Variants in DCC observed in about 807,000 individuals in gnomAD.
DCC encodes netrin receptor DCC.
DCC carries 58 observed loss-of-function variants against 172.5 expected under a neutral mutation model. The ratio of observed to expected loss-of-function variants is 0.34; its 90% confidence interval spans 0.27 to 0.42. The LOEUF is 0.42. Ranked by LOEUF, DCC falls within the 10% of genes least tolerant of loss-of-function variation. The pLI is 1.00. For synonymous variants in DCC, 709 were observed against 644.5 expected, an observed-to-expected ratio of 1.10 and a Z score of -1.52; for missense variants, 1,740 against 1,791.0, an observed-to-expected ratio of 0.97 and a Z score of 0.51.
intron 1 of DCC, among the ~76,000 whole-genome samples, chr18:52,387,876 T>C (rs1985875968): frequency 6.6e-6 from 1 of 152,006 alleles, no homozygotes; most frequent in South Asian, 2.1e-4. Flanking sequence ...TTTATAAAAG[T>C]TTAACCAATA....
chr18:53,486,893 C>T lies in DCC; in HGVS notation c.3833C>T (p.Thr1278Ile), dbSNP rs1196250710. The T allele has an allele frequency of 6.2e-7, 1 of 1,614,082 alleles. No individual in the cohort carries two copies. The highest frequency in any genetic ancestry group is 2.2e-5 in the East Asian group (1 of 44,878). ...PTCGYPHPQF[T>I]LRPVPFPTLS... ...TGTGGATATCCCCACCCGCAGTTCA[C>T]TCTCCGGCCTGTGCCATTCCCAACA... is the stretch of plus-strand genomic sequence containing the variant. The change falls in exon 26 of 29, where the codon ACT becomes ATT. Residue 1278 changes from threonine to isoleucine, a missense_variant. Thr to Ile is a moderately conservative substitution (Grantham distance 89). Around this residue, in one of 2 missense-constraint regions of DCC, gnomAD observed 1,732 missense variants for 1,767.4 expected, o/e 0.98. Transcript: ENST00000442544.
chr18:52,544,435 TTTTC>T (rs71715554), intron 1 of DCC, among the ~76,000 whole-genome samples: 1 of 42,862 alleles, frequency 2.3e-5, no homozygotes, highest in South Asian at 1.1e-3. Context: ...TTTTTTCTGT[TTTTC>T]TTTCTTTCTT....
chr18:52,937,724 T>A (rs2040401550), intron 5 of DCC, among the ~76,000 whole-genome samples: 1 of 152,056 alleles, frequency 6.6e-6, no homozygotes, highest in African/African-American at 2.4e-5. Flanking sequence ...CTGGAGTCAG[T>A]AATCCTCAGC....
chr18:52,982,466 CCTTCTTGCCTG>C, intron 5 of DCC, among the ~76,000 whole-genome samples: 1 of 152,202 alleles, frequency 6.6e-6, no homozygotes, highest in South Asian at 2.1e-4. Context: ...TGTTCATTGC[CCTTCTTGCCTG>C]CTCCTTATGT....
intron 10 of DCC, among the ~76,000 whole-genome samples, chr18:53,206,588 ATATG>A (rs2055650758): frequency 6.9e-6 from 1 of 145,640 alleles, no homozygotes; most frequent in African/African-American, 2.5e-5. Flanking sequence ...CTATACATCT[ATATG>A]TATATAATAC....
chr18:52,613,959 G>C (rs890143785), intron 1 of DCC, among the ~76,000 whole-genome samples: 4 of 152,208 alleles, frequency 2.6e-5, no homozygotes, highest in African/African-American at 7.2e-5. Context: ...AGTTAGGATA[G>C]AAATGTTGGG....
At chr18:52,806,980 G>C (rs2038097763) in intron 2 of DCC, among the ~76,000 whole-genome samples, 2 of 152,094 alleles carry the variant, frequency 1.3e-5, no homozygotes, top group Non-Finnish European at 2.9e-5. Context: ...GGATCATGAG[G>C]TCAAGAAATC....
intron 1 of DCC, among the ~76,000 whole-genome samples, chr18:52,420,589 C>A (rs192496403): frequency 6.8e-6 from 1 of 147,516 alleles, no homozygotes; most frequent in African/African-American, 2.4e-5. Context: ...GAAATGAACA[C>A]GTGAAATCAA....
At position 53,169,791 on chromosome 18, in the gene DCC, T is replaced by C. The variant is rs1236277863; in HGVS notation, c.1419-9171T>C. Among the ~76,000 whole-genome samples the C allele has an allele frequency of 5.9e-5, 9 of 152,310 alleles. No homozygotes were observed. In the East Asian group the frequency reaches 1.4e-3, roughly 23 times the overall value. ...ATTGGGTAAACTTCTCATTATTCAC[T>C]GTTCTCTTTTCTTCAGAACCCAGTG... On this transcript the variant is annotated intron_variant, in intron 8 of 28. Coordinates refer to ENST00000442544, the MANE Select transcript of DCC (RefSeq NM_005215.4).
chr18:53,427,963 ATAT>A (rs1193058904), intron 21 of DCC, among the ~76,000 whole-genome samples: 1 of 38,314 alleles, frequency 2.6e-5, no homozygotes, highest in East Asian at 5.4e-4. Context: ...TAATATAATA[ATAT>A]AATATATAAT....
At chr18:53,038,679 A>T (rs1454339574) in intron 5 of DCC, among the ~76,000 whole-genome samples, 1 of 152,004 alleles carries the variant, frequency 6.6e-6, no homozygotes, top group African/African-American at 2.4e-5. Context: ...AAGTGTTTAT[A>T]AATCAGAATG....
chr18:52,598,965 T>G (rs1447396032), intron 1 of DCC, among the ~76,000 whole-genome samples: 1 of 152,148 alleles, frequency 6.6e-6, no homozygotes, highest in African/African-American at 2.4e-5. Context: ...TTTATAAGGA[T>G]AGCTAATTTC....
At chr18:52,459,480 CT>C (rs1473541105) in intron 1 of DCC, among the ~76,000 whole-genome samples, 5 of 151,542 alleles carry the variant, frequency 3.3e-5, no homozygotes, top group African/African-American at 9.7e-5. Flanking sequence ...TTCTTTCTTT[CT>C]TTTTGAAACA....
rs75634538 is a variant in DCC, at chr18:53,105,586, A to G, written c.1261+39420A>G. On this transcript the variant is annotated intron_variant, in intron 7 of 28. Coordinates refer to ENST00000442544, the MANE Select transcript of DCC (RefSeq NM_005215.4). ...AGAGTTAAATACATGTATTTGCAGA[A>G]CACAAATTGTTTTTGAAAGGATTGT... 2.7e-3 allele frequency among the ~76,000 whole-genome samples: 407 copies of G among 152,068 alleles called. 15 individuals are homozygous for G. The East Asian group carries it at 0.072, about 27-fold the overall frequency.
chr18:53,229,346 T>C lies in DCC; in HGVS notation c.1911+13749T>C, dbSNP rs370301009. 4.6e-5 allele frequency among the ~76,000 whole-genome samples: 7 copies of C among 152,266 alleles called. No individual in the cohort carries two copies. The East Asian group carries it at 7.7e-4, about 17-fold the overall frequency. ...ATCAATTGTTAATGTTTTAAGAATT[T>C]TGTGAGCCCTATGTTAAACACAGCA... is the stretch of plus-strand genomic sequence containing the variant. On this transcript the variant is annotated intron_variant, in intron 12 of 28. Coordinates refer to ENST00000442544, the MANE Select transcript of DCC (RefSeq NM_005215.4).
In DCC at chr18:52,985,561, G is replaced by A. The variant is rs534486668; in HGVS notation, c.985+60191G>A. On this transcript the variant is annotated intron_variant, in intron 5 of 28. Transcript: ENST00000442544. ...TATGGGTCTTGCTGGCCACTTAACC[G>A]CATAACAACCACTGTATTCTAATGA... Among the ~76,000 whole-genome samples the A allele has an allele frequency of 3.9e-5, 6 of 152,098 alleles. No individual in the cohort carries two copies. The East Asian group carries it at 7.7e-4, about 20-fold the overall frequency.
intron 1 of DCC, among the ~76,000 whole-genome samples, chr18:52,622,527 G>A (rs770992741): frequency 1.3e-5 from 2 of 152,132 alleles, no homozygotes; most frequent in Non-Finnish European, 2.9e-5. Flanking sequence ...TATCGACATC[G>A]TTGGCACCAG....
At chr18:52,598,333 C>T (rs2033948053) in intron 1 of DCC, among the ~76,000 whole-genome samples, 1 of 152,014 alleles carries the variant, frequency 6.6e-6, no homozygotes, top group Non-Finnish European at 1.5e-5. Flanking sequence ...CATTCAAGAC[C>T]CCTGATGGGG....
At chr18:52,940,387 C>T (rs899036545) in intron 5 of DCC, among the ~76,000 whole-genome samples, 1 of 152,080 alleles carries the variant, frequency 6.6e-6, no homozygotes, top group Admixed American at 6.6e-5. Context: ...ACCACTTTCA[C>T]TCAAATTCTT....
Sources: allele counts gnomAD v4.1 joint callset (sites outside exome capture counted in the v4.1 genomes callset), GRCh38; gene constraint gnomAD v4.1.1; regional missense constraint gnomAD v4.1.1; transcripts MANE v1.5; gene names NCBI Gene and HGNC (gene_info 2026-07-23, HGNC 2026-07-21).